BTRC: variants seen among roughly 807,000 people sequenced by gnomAD.
BTRC encodes F-box/WD repeat-containing protein 1A.
BTRC carries 42 observed loss-of-function variants against 85.5 expected under a neutral mutation model. The ratio of observed to expected loss-of-function variants is 0.49; its 90% CI spans 0.38 to 0.64. The LOEUF (loss-of-function observed/expected upper bound fraction) is 0.64, where lower values mean the gene tolerates loss of function less well. Ranked by LOEUF, BTRC falls within the 30% of genes least tolerant of loss-of-function variation. The pLI is 0.00. For synonymous variants in BTRC, 255 were observed against 263.3 expected, an observed-to-expected ratio of 0.97 and a Z score of 0.30; for missense variants, 594 against 743.5, an observed-to-expected ratio of 0.80 and a Z score of 2.34.
At chr10:101,528,594 T>C (rs1564827763) in intron 6 of BTRC, among the ~76,000 whole-genome samples, 1 of 152,188 alleles carries the variant, frequency 6.6e-6, no homozygotes, top group Non-Finnish European at 1.5e-5. Context: ...AAATTCCAAA[T>C]ACTTATACAT....
intron 1 of BTRC, among the ~76,000 whole-genome samples, chr10:101,367,933 T>C (rs1942516583): frequency 6.6e-6 from 1 of 152,238 alleles, no homozygotes; most frequent in Non-Finnish European, 1.5e-5. Flanking sequence ...TAAACATATG[T>C]ACATATTTCT....
At chr10:101,544,855 C>G (rs544144121) in intron 13 of BTRC, among the ~76,000 whole-genome samples, 1 of 152,020 alleles carries the variant, frequency 6.6e-6, no homozygotes, top group African/African-American at 2.4e-5. Context: ...CTCAGGAGTT[C>G]AAGACCAGCC....
chr10:101,478,627 C>CA (rs982108403), intron 3 of BTRC, among the ~76,000 whole-genome samples: 1 of 151,234 alleles, frequency 6.6e-6, no homozygotes, highest in African/African-American at 2.4e-5. Flanking sequence ...CCCATCTCTA[C>CA]AAAAAATACA....
intron 2 of BTRC, among the ~76,000 whole-genome samples, chr10:101,437,494 A>G (rs1347082568): frequency 6.6e-6 from 1 of 152,238 alleles, no homozygotes; most frequent in Non-Finnish European, 1.5e-5. Flanking sequence ...TGAGATATAC[A>G]GTTAAAACAT....
At chr10:101,447,045 C>T (rs933249723) in intron 2 of BTRC, among the ~76,000 whole-genome samples, 2 of 151,980 alleles carry the variant, frequency 1.3e-5, no homozygotes, top group Non-Finnish European at 2.9e-5. Flanking sequence ...AGCTAGTGTT[C>T]GCGTGCAGGT....
chr10:101,536,656 G>T lies in BTRC; in HGVS notation c.1577+3G>T, dbSNP rs2062391309. 1 of 1,600,282 alleles carries T rather than the reference G, an allele frequency of 6.2e-7. No individual in the cohort carries two copies. Among genetic ancestry groups the T allele is most frequent in the African/African-American group, 1.3e-5 (1 of 74,752 alleles). On this transcript the variant is annotated splice_donor_region_variant and intron_variant, in intron 12 of 14. Coordinates refer to ENST00000370187, the MANE Select transcript of BTRC (RefSeq NM_033637.4). Reference sequence around the variant, plus strand: ...ATAGTCAGTGGGGCCTATGATGGGTGAGTGTGCTAACAGAGTGTAAAAAAG... The same window carrying T: ...ATAGTCAGTGGGGCCTATGATGGGTTAGTGTGCTAACAGAGTGTAAAAAAG...
chr10:101,452,083 A>C (rs1348721054), intron 2 of BTRC, among the ~76,000 whole-genome samples: 2 of 152,192 alleles, frequency 1.3e-5, no homozygotes, highest in East Asian at 3.8e-4. Context: ...AATCTCAGTA[A>C]ATTATGATCC....
chr10:101,510,574 T>C (rs1262889105), intron 4 of BTRC, among the ~76,000 whole-genome samples: 2 of 152,060 alleles, frequency 1.3e-5, no homozygotes. Context: ...CAACAGCCTC[T>C]AGAGAGTATA....
chr10:101,386,594 C>T (rs1323508550), intron 1 of BTRC, among the ~76,000 whole-genome samples: 2 of 152,096 alleles, frequency 1.3e-5, no homozygotes, highest in Non-Finnish European at 2.9e-5. Context: ...TATGAGATAT[C>T]GATAAAAAGT....
At chr10:101,526,348 T>C in intron 6 of BTRC, 149 bp downstream of exon 6, 1 of 727,826 alleles carries the variant, frequency 1.4e-6, no homozygotes. Flanking sequence ...AGAGAACAAA[T>C]GTTCATATAC....
At chr10:101,481,494 T>A (rs1018270219) in intron 4 of BTRC, among the ~76,000 whole-genome samples, 1 of 152,148 alleles carries the variant, frequency 6.6e-6, no homozygotes, top group Non-Finnish European at 1.5e-5. Flanking sequence ...TCCTTTTGTT[T>A]TCTCCATACT....
In BTRC at chr10:101,363,520, G is replaced by A. The variant is rs925943377; in HGVS notation, c.48+9292G>A. Reference sequence around the variant, plus strand: ...GTCACCCAGGCTGGAGTGCAGTAGCGCAATCTCAGCTCACTGCCACCTCCA... The same window carrying A: ...GTCACCCAGGCTGGAGTGCAGTAGCACAATCTCAGCTCACTGCCACCTCCA... On this transcript the variant is annotated intron_variant, in intron 1 of 14. Coordinates refer to ENST00000370187, the MANE Select transcript of BTRC (RefSeq NM_033637.4). Among the ~76,000 whole-genome samples, 5 of 151,924 alleles carry A rather than the reference G, an allele frequency of 3.3e-5. 1 individual carries two copies. The highest frequency in any genetic ancestry group is 3.9e-4 in the East Asian group (2 of 5,170).
intron 2 of BTRC, among the ~76,000 whole-genome samples, chr10:101,442,861 A>C (rs1395865925): frequency 6.6e-6 from 1 of 151,458 alleles, no homozygotes; most frequent in African/African-American, 2.4e-5. Context: ...TAGCAGTATC[A>C]AAGTAAGTTG....
intron 1 of BTRC, among the ~76,000 whole-genome samples, chr10:101,426,657 A>T (rs1214243706): frequency 6.6e-6 from 1 of 152,222 alleles, no homozygotes; most frequent in African/African-American, 2.4e-5. Context: ...AAAATAACGC[A>T]GATTTTTATG....
chr10:101,467,285 G>C (rs1395260701), intron 3 of BTRC, among the ~76,000 whole-genome samples: 1 of 147,076 alleles, frequency 6.8e-6, no homozygotes, highest in Non-Finnish European at 1.5e-5. Flanking sequence ...TTTGATTGAT[G>C]AGGGAAAAAG....
intron 8 of BTRC, 35 bp downstream of exon 8, chr10:101,532,467 G>C (rs147192570): frequency 6.4e-7 from 1 of 1,567,120 alleles, no homozygotes; most frequent in Admixed American, 1.9e-5. Context: ...GGTAGCAGAG[G>C]GAGCAAGAGT....
At chr10:101,431,070 C>CTTTTTTTTTTTT (rs748703752) in intron 2 of BTRC, among the ~76,000 whole-genome samples, 11 of 71,294 alleles carry the variant, frequency 1.5e-4, no homozygotes, top group African/African-American at 6.3e-4. Flanking sequence ...CTCAGCCTTT[C>CTTTTTTTTTTTT]TTTTTTTTTT....
intron 2 of BTRC, among the ~76,000 whole-genome samples, chr10:101,446,448 T>C (rs1036310564): frequency 6.6e-6 from 1 of 152,168 alleles, no homozygotes; most frequent in African/African-American, 2.4e-5. Flanking sequence ...TTTTTTGCTA[T>C]TTGATATACC....
intron 1 of BTRC, among the ~76,000 whole-genome samples, chr10:101,407,683 C>A (rs1181905377): frequency 6.6e-6 from 1 of 151,384 alleles, no homozygotes; most frequent in Non-Finnish European, 1.5e-5. Flanking sequence ...AGCCACTGTG[C>A]CCAGCCTAAC....
Sources: allele counts gnomAD v4.1 joint callset (sites outside exome capture counted in the v4.1 genomes callset), GRCh38; gene constraint gnomAD v4.1.1; transcripts MANE v1.5; gene names NCBI Gene and HGNC (gene_info 2026-07-23, HGNC 2026-07-21).